The following C12orf42 variants were observed in gnomAD, a reference collection of about 807,000 sequenced individuals.
C12orf42 encodes the protein uncharacterized protein C12orf42.
In C12orf42, 25 loss-of-function variants were observed where a neutral mutation model predicts 21.6. That is an observed-to-expected ratio of 1.16 (90% CI 0.84 to 1.62). The LOEUF is 1.62. C12orf42 is among the 40% of genes most tolerant of loss of function. The pLI, the probability that C12orf42 is intolerant of heterozygous loss-of-function variation, is 0.00. For synonymous variants in C12orf42, 174 were observed against 175.0 expected, an observed-to-expected ratio of 0.99 and a Z score of 0.05; for missense variants, 483 against 459.3, an observed-to-expected ratio of 1.05 and a Z score of -0.47.
chr12:103,205,768 T>C, the C12orf42 span, among the ~76,000 whole-genome samples: 1 of 152,044 alleles, frequency 6.6e-6, no homozygotes, highest in East Asian at 1.9e-4. Flanking sequence ...AATCATAAAA[T>C]AGAATACAAT....
chr12:103,265,185 C>T (rs1298884686), downstream of C12orf42, among the ~76,000 whole-genome samples: 1 of 152,082 alleles, frequency 6.6e-6, no homozygotes, highest in African/African-American at 2.4e-5. Flanking sequence ...ACTAATCACA[C>T]CCCCAAGGTC....
the C12orf42 span, among the ~76,000 whole-genome samples, chr12:103,127,787 A>G: frequency 6.6e-6 from 1 of 152,208 alleles, no homozygotes; most frequent in Admixed American, 6.5e-5. Flanking sequence ...AGAAACCTTG[A>G]TACATATGAA....
chr12:103,084,634 C>T, the C12orf42 span, among the ~76,000 whole-genome samples: 3 of 152,102 alleles, frequency 2.0e-5, no homozygotes, highest in African/African-American at 7.2e-5. Flanking sequence ...AGAATGTATA[C>T]CTAGTTTTTA....
intron 2 of C12orf42, among the ~76,000 whole-genome samples, chr12:103,411,902 A>G (rs1180482806): frequency 1.3e-5 from 2 of 152,198 alleles, no homozygotes; most frequent in African/African-American, 4.8e-5. Context: ...GGCAGAGAGA[A>G]AGAAATTGAC....
chr12:103,431,770 A>C (rs1234909920), intron 2 of C12orf42, among the ~76,000 whole-genome samples: 1 of 152,214 alleles, frequency 6.6e-6, no homozygotes, highest in Non-Finnish European at 1.5e-5. Flanking sequence ...TAGCAGCAGA[A>C]CATATCCAAG....
chr12:103,456,648 A>C (rs1299992691), intron 2 of C12orf42, among the ~76,000 whole-genome samples: 2 of 152,190 alleles, frequency 1.3e-5, no homozygotes, highest in Admixed American at 6.6e-5. Context: ...TTAACATTGA[A>C]TATTTCCACT....
chr12:103,356,673 C>T (rs1189463725), intron 4 of C12orf42, among the ~76,000 whole-genome samples: 2 of 151,762 alleles, frequency 1.3e-5, no homozygotes, highest in African/African-American at 2.4e-5. Flanking sequence ...TCTCCACATC[C>T]TCTCCAGCAC....
chr12:103,081,029 T>A, the C12orf42 span: 1 of 152,186 alleles, frequency 6.6e-6, no homozygotes, highest in Non-Finnish European at 1.5e-5. Flanking sequence ...TGTATTTGCA[T>A]TCTGATTACT....
intron 2 of C12orf42, among the ~76,000 whole-genome samples, chr12:103,451,706 C>A (rs1951954961): frequency 6.6e-6 from 1 of 152,074 alleles, no homozygotes; most frequent in African/African-American, 2.4e-5. Context: ...TTTGTTGGGT[C>A]TATTTTCCCC....
intron 3 of C12orf42, among the ~76,000 whole-genome samples, chr12:103,395,487 C>T (rs557256404): frequency 6.6e-5 from 10 of 152,122 alleles, no homozygotes; most frequent in Non-Finnish European, 1.2e-4. Flanking sequence ...AGGCGCCCAC[C>T]ACCACGCCCG....
At chr12:103,423,508 T>C (rs2050105492) in intron 2 of C12orf42, among the ~76,000 whole-genome samples, 1 of 152,182 alleles carries the variant, frequency 6.6e-6, no homozygotes, top group Non-Finnish European at 1.5e-5. Flanking sequence ...CATCCCCTAC[T>C]CTTTAGTAGA....
chr12:103,522,423 G>A, the C12orf42 span, among the ~76,000 whole-genome samples: 2 of 152,186 alleles, frequency 1.3e-5, no homozygotes, highest in Non-Finnish European at 1.5e-5. Flanking sequence ...TTTTTGTCCC[G>A]GCCCTCTCTG....
intron 4 of C12orf42, among the ~76,000 whole-genome samples, chr12:103,338,822 G>A (rs1337900212): frequency 3.3e-5 from 5 of 152,126 alleles, no homozygotes; most frequent in Non-Finnish European, 5.9e-5. Flanking sequence ...AGCAGGAGTG[G>A]GAACAGGAAA....
intron 4 of C12orf42, among the ~76,000 whole-genome samples, chr12:103,326,468 T>A (rs2040717732): frequency 6.6e-6 from 1 of 152,072 alleles, no homozygotes; most frequent in African/African-American, 2.4e-5. Flanking sequence ...TACAGAAAAA[T>A]TAAGATTTAT....
At chr12:103,452,216 A>G (rs1251408895) in intron 2 of C12orf42, among the ~76,000 whole-genome samples, 1 of 151,992 alleles carries the variant, frequency 6.6e-6, no homozygotes, top group Non-Finnish European at 1.5e-5. Context: ...GGTTTTTCAC[A>G]TCTAATAGGC....
intron 4 of C12orf42, among the ~76,000 whole-genome samples, chr12:103,313,308 T>C (rs191760786): frequency 2.6e-5 from 4 of 152,314 alleles, no homozygotes; most frequent in South Asian, 4.1e-4. Context: ...CACCACATAA[T>C]GGGGTTTAAT....
At chr12:103,335,052 T>C (rs77619031) in intron 4 of C12orf42, among the ~76,000 whole-genome samples, 22 of 152,354 alleles carry the variant, frequency 1.4e-4, no homozygotes, top group African/African-American at 5.3e-4. Context: ...TTTTTATTTT[T>C]ATTTCTGTGT....
At chr12:103,423,156 C>T (rs1239174844) in intron 2 of C12orf42, among the ~76,000 whole-genome samples, 3 of 152,174 alleles carry the variant, frequency 2.0e-5, no homozygotes, top group African/African-American at 7.2e-5. Context: ...GCATTGATGC[C>T]CTTGCCCTGG....
the C12orf42 span, among the ~76,000 whole-genome samples, chr12:103,191,967 A>G: frequency 6.6e-6 from 1 of 152,108 alleles, no homozygotes; most frequent in Non-Finnish European, 1.5e-5. Context: ...AAAGTATTAT[A>G]CAAACCTCAC....
Sources: allele counts gnomAD v4.1 joint callset (sites outside exome capture counted in the v4.1 genomes callset), GRCh38; gene constraint gnomAD v4.1.1; transcripts MANE v1.5; gene names NCBI Gene and HGNC (gene_info 2026-07-23, HGNC 2026-07-21).